CDH13: variants seen among roughly 807,000 people sequenced by gnomAD.
CDH13 encodes cadherin-13.
Under a neutral mutation model 63.8 loss-of-function variants are expected in CDH13, and 24 were observed. The ratio of observed to expected loss-of-function variants is 0.38; its 90% CI spans 0.27 to 0.53. The LOEUF is 0.53. Among genes scored for constraint, CDH13 ranks in the 20% least tolerant of loss-of-function variants. CDH13 has a pLI of 0.85. For missense variants in CDH13, 1,049 were observed against 903.1 expected (o/e 1.16, Z -2.07); for synonymous variants, 503 against 355.3 (o/e 1.42, Z -4.67).
chr16:82,756,216 A>T (rs1201767472), intron 1 of CDH13, among the ~76,000 whole-genome samples: 1 of 152,192 alleles, frequency 6.6e-6, no homozygotes, highest in Admixed American at 6.5e-5. Flanking sequence ...GCAAAAAACT[A>T]CAGTCTGTAA....
At chr16:83,344,809 T>C in intron 5 of CDH13, 53 bp from the exon 6 acceptor site, 1 of 1,593,170 alleles carries the variant, frequency 6.3e-7, no homozygotes, top group East Asian at 2.2e-5. Context: ...CTTATTTGAA[T>C]TTTCATAATG....
At chr16:83,034,532 G>A (rs753897427) in intron 3 of CDH13, among the ~76,000 whole-genome samples, 1 of 152,146 alleles carries the variant, frequency 6.6e-6, no homozygotes, top group Non-Finnish European at 1.5e-5. Context: ...TATAAATTAT[G>A]TGGCAAATAT....
chr16:83,013,462 C>T (rs1914364243), intron 2 of CDH13, among the ~76,000 whole-genome samples: 1 of 152,132 alleles, frequency 6.6e-6, no homozygotes, highest in Non-Finnish European at 1.5e-5. Context: ...ACCAAGCAAG[C>T]CATGAAGCCC....
At chr16:83,350,115 A>G (rs2090920451) in intron 6 of CDH13, among the ~76,000 whole-genome samples, 1 of 152,182 alleles carries the variant, frequency 6.6e-6, no homozygotes, top group Admixed American at 6.5e-5. Context: ...ACTTGCCGCC[A>G]GCTGTGCGCA....
chr16:83,405,459 G>A lies in CDH13; in HGVS notation c.781+60453G>A, dbSNP rs924214039. Among the ~76,000 whole-genome samples, 6 of 152,280 alleles carry A rather than the reference G, an allele frequency of 3.9e-5. No individual in the cohort carries two copies. The East Asian group carries it at 1.2e-3, about 29-fold the overall frequency. On this transcript the variant is annotated intron_variant, in intron 6 of 13. Coordinates refer to ENST00000567109, the MANE Select transcript of CDH13 (RefSeq NM_001257.5). The stretch of plus-strand genomic sequence containing the variant: ...AGAGGAAAGGTGATGTTGTCCTGCT[G>A]GCTTTGAAGTTGGAGGAAGAGGCCA...
intron 2 of CDH13, among the ~76,000 whole-genome samples, chr16:82,934,622 A>G (rs2042607266): frequency 6.6e-6 from 1 of 152,176 alleles, no homozygotes; most frequent in Non-Finnish European, 1.5e-5. Flanking sequence ...CAAATTTTCC[A>G]AACTTATATG....
At chr16:83,487,165 G>T (rs568538386) in intron 7 of CDH13, among the ~76,000 whole-genome samples, 5 of 152,150 alleles carry the variant, frequency 3.3e-5, no homozygotes, top group African/African-American at 7.2e-5. Context: ...GGCTTTCTCC[G>T]TGAAATCTCC....
At chr16:83,720,160 A>G (rs969104226) in intron 10 of CDH13, among the ~76,000 whole-genome samples, 49 of 152,096 alleles carry the variant, frequency 3.2e-4, no homozygotes, top group African/African-American at 1.2e-3. Context: ...GCTCTGCCTG[A>G]CCTTGATCCA....
chr16:83,050,407 G>A (rs903878929), intron 3 of CDH13, among the ~76,000 whole-genome samples: 1 of 152,140 alleles, frequency 6.6e-6, no homozygotes, highest in African/African-American at 2.4e-5. Context: ...TTAATTCCCA[G>A]CAGAGCATTG....
At chr16:83,562,958 G>T (rs2075733907) in intron 7 of CDH13, among the ~76,000 whole-genome samples, 2 of 152,224 alleles carry the variant, frequency 1.3e-5, no homozygotes. Flanking sequence ...TGGCAGGCTG[G>T]TAGAGGGACA....
In CDH13 at chr16:82,644,596, T is replaced by A. The variant is rs1312191154; in HGVS notation, c.45+17459T>A. 6.6e-6 allele frequency among the ~76,000 whole-genome samples: 1 copy of A among 152,148 alleles called. No homozygotes were observed. The highest frequency in any genetic ancestry group is 1.5e-5 in the Non-Finnish European group (1 of 68,018). ...AGGGGAGGCTTTATGGAGGCAAAGC[T>A]GAGGGGCTGTACGTGTCTTCATAGG... On this transcript the variant is annotated intron_variant, in intron 1 of 13. Coordinates refer to ENST00000567109, the MANE Select transcript of CDH13 (RefSeq NM_001257.5). This position sits in a 1 kb window ranked among gnomAD's most constrained non-coding sequence, Gnocchi z 5.7.
At chr16:82,649,441 C>G (rs1910476073) in intron 1 of CDH13, among the ~76,000 whole-genome samples, 2 of 152,214 alleles carry the variant, frequency 1.3e-5, no homozygotes, top group Admixed American at 1.3e-4. Flanking sequence ...TAGTCTTAGG[C>G]AGTGAAGAAG....
At chr16:83,368,649 T>C (rs2091299697) in intron 6 of CDH13, among the ~76,000 whole-genome samples, 1 of 151,738 alleles carries the variant, frequency 6.6e-6, no homozygotes. Flanking sequence ...ACCCAATGTG[T>C]AGTCTCGTAT....
chr16:83,199,111 T>C (rs1194611801), intron 4 of CDH13, among the ~76,000 whole-genome samples: 1 of 152,192 alleles, frequency 6.6e-6, no homozygotes, highest in African/African-American at 2.4e-5. Flanking sequence ...TGGCTTCAAG[T>C]CAGAAGGTGC....
chr16:83,450,203 G>A (rs1319597214), intron 6 of CDH13, among the ~76,000 whole-genome samples: 1 of 152,238 alleles, frequency 6.6e-6, no homozygotes, highest in African/African-American at 2.4e-5. Flanking sequence ...GAGGTTGCAT[G>A]ATGCCCACAA....
chr16:83,444,146 A>T (rs1304293757), intron 6 of CDH13, among the ~76,000 whole-genome samples: 1 of 143,728 alleles, frequency 7.0e-6, no homozygotes. Context: ...GTGGCTGCTG[A>T]TGTGACAAAG....
intron 1 of CDH13, among the ~76,000 whole-genome samples, chr16:82,650,823 C>A (rs1039664419): frequency 6.6e-6 from 1 of 152,196 alleles, no homozygotes; most frequent in East Asian, 1.9e-4. Flanking sequence ...TCCGGTGAAC[C>A]TGGCAGCATA....
chr16:83,574,508 A>C (rs1205242726), intron 7 of CDH13, among the ~76,000 whole-genome samples: 1 of 152,120 alleles, frequency 6.6e-6, no homozygotes, highest in African/African-American at 2.4e-5. Context: ...TGTGTCACTT[A>C]CAGTTGCTGC....
At chr16:82,971,026 A>G (rs1440343622) in intron 2 of CDH13, among the ~76,000 whole-genome samples, 1 of 152,206 alleles carries the variant, frequency 6.6e-6, no homozygotes, top group African/African-American at 2.4e-5. Flanking sequence ...CTCCACCTAT[A>G]TCCTTTCCTT....
Sources: allele counts gnomAD v4.1 joint callset (sites outside exome capture counted in the v4.1 genomes callset), GRCh38; gene constraint gnomAD v4.1.1; non-coding constraint Gnocchi (gnomAD v3.1); transcripts MANE v1.5; gene names NCBI Gene and HGNC (gene_info 2026-07-23, HGNC 2026-07-21).